The following KRABD4 variants were observed in gnomAD, a reference collection of about 807,000 sequenced individuals.
KRABD4 encodes KRAB domain containing 4, also known as KRAB domain-containing protein 4.
At chrX:46,462,364 G>C in the KRABD4 span, 276 of 192,306 alleles carry the variant, frequency 1.4e-3, 7 homozygotes, top group East Asian at 0.031. Flanking sequence ...ACAAAAATTA[G>C]CCGGGCGTGG....
At chrX:46,464,141 T>C in the KRABD4 span, among the ~76,000 whole-genome samples, 1 of 111,267 alleles carries the variant, frequency 9.0e-6, no homozygotes, top group Non-Finnish European at 1.9e-5. Flanking sequence ...TAGAACTGCT[T>C]TTTCCTTGTC....
the KRABD4 span, among the ~76,000 whole-genome samples, chrX:46,449,201 CAG>C: frequency 3.6e-5 from 4 of 112,049 alleles, no homozygotes; most frequent in African/African-American, 9.7e-5. Context: ...GGGGTGGGAA[CAG>C]GGTAGGTGGC....
the KRABD4 span, among the ~76,000 whole-genome samples, chrX:46,461,070 A>C: frequency 9.6e-6 from 1 of 104,339 alleles, no homozygotes; most frequent in South Asian, 4.6e-4. Context: ...ACAGGACAAA[A>C]ACCAAATATA....
At chrX:46,450,992 A>G in the KRABD4 span, among the ~76,000 whole-genome samples, 1 of 111,239 alleles carries the variant, frequency 9.0e-6, no homozygotes, top group African/African-American at 3.3e-5. Flanking sequence ...GCGAGCCACC[A>G]TGCTCTCTAC....
At chrX:46,451,287 T>C in the KRABD4 span, among the ~76,000 whole-genome samples, 1 of 111,989 alleles carries the variant, frequency 8.9e-6, no homozygotes, top group East Asian at 2.8e-4. Context: ...GATGCATTTA[T>C]GTCAATTTAA....
At chrX:46,455,593 C>A in the KRABD4 span, 2 of 408,706 alleles carry the variant, frequency 4.9e-6, no homozygotes. Context: ...ATTTGATAAG[C>A]CTCTGACACT....
the KRABD4 span, among the ~76,000 whole-genome samples, chrX:46,466,744 A>AT: frequency 3.6e-5 from 4 of 111,994 alleles, no homozygotes; most frequent in South Asian, 1.5e-3. Flanking sequence ...CATTCCTTTT[A>AT]TTTTTTCAAA....
At chrX:46,459,647 A>G in the KRABD4 span, among the ~76,000 whole-genome samples, 168 of 111,516 alleles carry the variant, frequency 1.5e-3, no homozygotes, top group African/African-American at 5.2e-3. Flanking sequence ...AACCTCTGAC[A>G]CTGTACTTCT....
At chrX:46,448,631 T>A in the KRABD4 span, 1 of 113,329 alleles carries the variant, frequency 8.8e-6, no homozygotes, top group Non-Finnish European at 1.9e-5. Context: ...TGATTCCTGC[T>A]GGAGGAGGGA....
the KRABD4 span, among the ~76,000 whole-genome samples, chrX:46,457,600 C>T: frequency 1.3e-3 from 141 of 108,055 alleles, no homozygotes; most frequent in Non-Finnish European, 2.2e-3. Context: ...CAGTCTCAGC[C>T]CTTCTACTGT....
At chrX:46,472,869 A>G in the KRABD4 span, 1 of 1,211,862 alleles carries the variant, frequency 8.3e-7, no homozygotes, top group Non-Finnish European at 1.1e-6. Flanking sequence ...AGAATCCAGA[A>G]CATGTAGAAA....
the KRABD4 span, among the ~76,000 whole-genome samples, chrX:46,452,091 C>T: frequency 8.9e-6 from 1 of 111,869 alleles, no homozygotes; most frequent in African/African-American, 3.2e-5. Context: ...ACTACAGGCA[C>T]ATGCCACCAT....
At chrX:46,460,160 C>G in the KRABD4 span, among the ~76,000 whole-genome samples, 1 of 111,929 alleles carries the variant, frequency 8.9e-6, no homozygotes. Context: ...CGCGGTGGCT[C>G]ATTAATCCCA....
At chrX:46,463,263 G>C in the KRABD4 span, 1 of 1,212,334 alleles carries the variant, frequency 8.2e-7, no homozygotes, top group South Asian at 1.8e-5. Flanking sequence ...CTGGATGGCA[G>C]ATGGGGGGAC....
the KRABD4 span, among the ~76,000 whole-genome samples, chrX:46,464,439 A>G: frequency 3.6e-5 from 4 of 112,058 alleles, no homozygotes; most frequent in Non-Finnish European, 7.5e-5. Context: ...CTCGTTAGAG[A>G]TTAATTTCAG....
the KRABD4 span, among the ~76,000 whole-genome samples, chrX:46,469,603 T>C: frequency 3.6e-5 from 4 of 112,146 alleles, no homozygotes; most frequent in African/African-American, 1.3e-4. Context: ...CTTTTATAGA[T>C]GGTTTGGTAT....
chrX:46,474,444 G>A, the KRABD4 span: 1 of 111,180 alleles, frequency 9.0e-6, no homozygotes. Flanking sequence ...GCATCCGCTA[G>A]GGATCTTGGA....
the KRABD4 span, chrX:46,463,394 G>T: frequency 1.2e-6 from 1 of 812,743 alleles, no homozygotes; most frequent in Non-Finnish European, 1.9e-6. Context: ...TCAGAGCCTC[G>T]GACTTGTGGA....
At chrX:46,452,855 C>T in the KRABD4 span, among the ~76,000 whole-genome samples, 1 of 112,285 alleles carries the variant, frequency 8.9e-6, no homozygotes, top group Non-Finnish European at 1.9e-5. Flanking sequence ...TGGGAAATCA[C>T]AGTGTATTAT....
Sources: gnomAD v4.1 joint callset for allele counts (sites outside exome capture counted in the v4.1 genomes callset) on GRCh38, gnomAD v4.1.1 for gene constraint, MANE v1.5 for transcripts, NCBI Gene and HGNC (gene_info 2026-07-23, HGNC 2026-07-21) for gene names.